ADAMTSL1: variants seen among roughly 807,000 people sequenced by gnomAD.
ADAMTSL1 encodes the protein ADAMTS-like protein 1.
Under a neutral mutation model 201.8 loss-of-function variants are expected in ADAMTSL1, and 126 were observed. That is an observed-to-expected ratio of 0.62 (90% confidence interval 0.54 to 0.72). The LOEUF is 0.72. Among genes scored for constraint, ADAMTSL1 ranks in the 30% least tolerant of loss-of-function variants. ADAMTSL1 has a pLI of 0.00. For missense variants in ADAMTSL1, 2,679 were observed against 2,277.8 expected, an observed-to-expected ratio of 1.18 and a Z score of -3.59; for synonymous variants, 1,121 against 903.4, an observed-to-expected ratio of 1.24 and a Z score of -4.32.
chr9:18,210,551 G>A (rs971175071), intron 2 of ADAMTSL1, among the ~76,000 whole-genome samples: 3 of 148,040 alleles, frequency 2.0e-5, no homozygotes, highest in Non-Finnish European at 4.5e-5. Context: ...TACCAGGAAT[G>A]CTAAGATGGA....
intron 16 of ADAMTSL1, among the ~76,000 whole-genome samples, chr9:18,756,782 C>T (rs765859889): frequency 6.6e-6 from 1 of 152,166 alleles, no homozygotes; most frequent in African/African-American, 2.4e-5. Flanking sequence ...AGACATTGCC[C>T]GTTTGAGGGG....
intron 3 of ADAMTSL1, among the ~76,000 whole-genome samples, chr9:18,533,513 A>C (rs1819567310): frequency 6.6e-6 from 1 of 152,186 alleles, no homozygotes; most frequent in Non-Finnish European, 1.5e-5. Flanking sequence ...GACTATTTCA[A>C]AACAAGGACT....
intron 3 of ADAMTSL1, 21 bp downstream of exon 3, chr9:18,533,313 T>C (rs1318235819): frequency 1.9e-6 from 3 of 1,596,196 alleles, no homozygotes; most frequent in Middle Eastern, 1.7e-4. Flanking sequence ...GGTTCTGAGA[T>C]TGTAATCATG....
intron 4 of ADAMTSL1, among the ~76,000 whole-genome samples, chr9:18,588,898 T>TATATATATATATATAC (rs1554710738): frequency 7.3e-6 from 1 of 136,274 alleles, no homozygotes; most frequent in African/African-American, 2.7e-5. Context: ...TATATATATA[T>TATATATATATATATAC]ATATACATAT....
At chr9:18,360,018 C>G (rs1187817662) in intron 2 of ADAMTSL1, among the ~76,000 whole-genome samples, 1 of 152,020 alleles carries the variant, frequency 6.6e-6, no homozygotes, top group Non-Finnish European at 1.5e-5. Context: ...ATTAAAACAT[C>G]TAGCAAAGTA....
chr9:18,561,958 G>C (rs941341187), intron 3 of ADAMTSL1, among the ~76,000 whole-genome samples: 2 of 152,080 alleles, frequency 1.3e-5, no homozygotes, highest in African/African-American at 4.8e-5. Flanking sequence ...ACACTGATGG[G>C]TCTTGACTCT....
chr9:18,399,529 G>T (rs879549008), intron 2 of ADAMTSL1, among the ~76,000 whole-genome samples: 4 of 150,054 alleles, frequency 2.7e-5, no homozygotes, highest in Non-Finnish European at 5.9e-5. Context: ...TTTTTGTAGA[G>T]ACAGGGTTTC....
chr9:18,476,564 C>T (rs1255713783), intron 1 of ADAMTSL1, among the ~76,000 whole-genome samples: 3 of 152,260 alleles, frequency 2.0e-5, no homozygotes, highest in African/African-American at 7.2e-5. Context: ...GAGATTGTGA[C>T]CTTTAGCCTG....
chr9:18,351,473 G>A (rs1025375066), intron 2 of ADAMTSL1, among the ~76,000 whole-genome samples: 2 of 151,892 alleles, frequency 1.3e-5, no homozygotes, highest in Non-Finnish European at 2.9e-5. Context: ...TTAATTCTGA[G>A]AGTATTGGGA....
chr9:17,966,256 T>C (rs1486809858), intron 1 of ADAMTSL1, among the ~76,000 whole-genome samples: 1 of 152,138 alleles, frequency 6.6e-6, no homozygotes, highest in African/African-American at 2.4e-5. Context: ...GTATAGTAAG[T>C]GCTATGTCAG....
At chr9:18,254,329 G>A (rs747389741) in intron 2 of ADAMTSL1, among the ~76,000 whole-genome samples, 5 of 128,880 alleles carry the variant, frequency 3.9e-5, no homozygotes, top group Non-Finnish European at 4.7e-5. Flanking sequence ...TGGAACTACC[G>A]TCAATACTCT....
At chr9:17,967,792 T>C (rs1818039067) in intron 1 of ADAMTSL1, among the ~76,000 whole-genome samples, 1 of 152,108 alleles carries the variant, frequency 6.6e-6, no homozygotes, top group Non-Finnish European at 1.5e-5. Context: ...TAGTAAATAA[T>C]TTTAACATGT....
chr9:18,166,612 A>C (rs11790830), intron 2 of ADAMTSL1, among the ~76,000 whole-genome samples: 5,511 of 152,016 alleles, frequency 0.036, 135 homozygotes, highest in Non-Finnish European at 0.057. Flanking sequence ...GGAAGTAACA[A>C]ATGTATCCCC....
chr9:18,351,254 AAAAAAAAAAAG>A (rs776676192), intron 2 of ADAMTSL1, among the ~76,000 whole-genome samples: 143 of 98,510 alleles, frequency 1.5e-3, no homozygotes, highest in African/African-American at 5.0e-3. Context: ...ATGAAAGACC[AAAAAAAAAAAG>A]AAAAAAAAAA....
At chr9:18,044,345 G>T (rs551763882) in intron 1 of ADAMTSL1, among the ~76,000 whole-genome samples, 1 of 152,160 alleles carries the variant, frequency 6.6e-6, no homozygotes, top group East Asian at 1.9e-4. Flanking sequence ...TGAAACACCA[G>T]CAAAGACACA....
At chr9:18,214,098 A>T (rs917143635) in intron 2 of ADAMTSL1, among the ~76,000 whole-genome samples, 1 of 152,202 alleles carries the variant, frequency 6.6e-6, no homozygotes, top group African/African-American at 2.4e-5. Context: ...TTGTAAGAAC[A>T]AAGTCAACTC....
intron 5 of ADAMTSL1, among the ~76,000 whole-genome samples, chr9:18,631,942 C>T (rs1405669311): frequency 6.6e-6 from 1 of 152,054 alleles, no homozygotes; most frequent in Non-Finnish European, 1.5e-5. Context: ...AGAAATATGT[C>T]CTGAAGACTG....
At position 18,254,416 on chromosome 9, in the gene ADAMTSL1, AC is replaced by A. The variant is rs1160636889; in HGVS notation, c.207+90436del. ...CTCGCTCTGTCCCCCAGGCTGGAGT[AC>A]AGTGGCGCGATCTCAGCTCACTGCA... On this transcript the variant is annotated intron_variant, in intron 2 of 29. Transcript: ENST00000680146. Among the ~76,000 whole-genome samples the A allele has an allele frequency of 4.3e-5, 5 of 115,232 alleles. No homozygotes were observed. In the East Asian group the frequency reaches 8.9e-4, roughly 20 times the overall value. The allele number at this position is 115,232 out of a possible 152,430, so 75.6% of individuals were successfully genotyped here. A position where few individuals can be genotyped will look rare whatever the true frequency, so the allele number is the denominator to read the frequency against.
chr9:18,681,774 T>TG (rs761391296), intron 11 of ADAMTSL1, 38 bp from the exon 12 acceptor site: 3 of 1,483,842 alleles, frequency 2.0e-6, no homozygotes. Context: ...AACAAGGCTT[T>TG]GCCTACGAGT....
Sources: gnomAD v4.1 joint callset for allele counts (sites outside exome capture counted in the v4.1 genomes callset) on GRCh38, gnomAD v4.1.1 for gene constraint, MANE v1.5 for transcripts, NCBI Gene and HGNC (gene_info 2026-07-23, HGNC 2026-07-21) for gene names.